The following PTPRB variants were observed in gnomAD, a reference collection of about 807,000 sequenced individuals.
PTPRB encodes protein tyrosine phosphatase receptor type B, also known as receptor-type tyrosine-protein phosphatase beta.
Under a neutral mutation model 238.1 loss-of-function variants are expected in PTPRB, and 97 were observed. The observed-to-expected ratio is 0.41, with a 90% confidence interval of 0.35 to 0.48. The LOEUF (loss-of-function observed/expected upper bound fraction) is 0.48. Among genes scored for constraint, PTPRB ranks in the 20% least tolerant of loss-of-function variants. The pLI is 0.30. For missense variants in PTPRB, 2,292 were observed against 2,681.9 expected (o/e 0.85, Z 3.21); for synonymous variants, 970 against 995.4 (o/e 0.97, Z 0.48).
intron 8 of PTPRB, among the ~76,000 whole-genome samples, chr12:70,588,584 G>C (rs1206078485): frequency 6.6e-6 from 1 of 152,104 alleles, no homozygotes; most frequent in African/African-American, 2.4e-5. Flanking sequence ...AGCGAGCCAA[G>C]ATCATGCCAT....
At chr12:70,619,324 T>C (rs7966380) in intron 3 of PTPRB, among the ~76,000 whole-genome samples, 9 of 74,624 alleles carry the variant, frequency 1.2e-4, no homozygotes, top group South Asian at 4.8e-4. Flanking sequence ...ATAATGATAA[T>C]GATAATGATA....
chr12:70,590,787 T>C (rs1882412792), intron 7 of PTPRB, among the ~76,000 whole-genome samples: 1 of 151,972 alleles, frequency 6.6e-6, no homozygotes, highest in African/African-American at 2.4e-5. Flanking sequence ...CGGTTGTATG[T>C]TCTGTAGACC....
At chr12:70,522,863 C>CTTTTTTTTTTTTTTTTTTTTTTT (rs35913444) in intron 33 of PTPRB, among the ~76,000 whole-genome samples, 1 of 118,236 alleles carries the variant, frequency 8.5e-6, no homozygotes, top group African/African-American at 3.3e-5. Flanking sequence ...TTTGTTTTTT[C>CTTTTTTTTTTTTTTTTTTTTTTT]TTTTTTTTTT....
intron 32 of PTPRB, 56 bp downstream of exon 32, chr12:70,531,979 T>C (rs772984711): frequency 8.7e-6 from 14 of 1,603,956 alleles, no homozygotes; most frequent in African/African-American, 1.3e-5. Flanking sequence ...GATATTTTTT[T>C]GTGGGAATAC....
At chr12:70,558,942 AT>A (rs1301258713) in intron 18 of PTPRB, 2 of 278,574 alleles carry the variant, frequency 7.2e-6, no homozygotes, top group Non-Finnish European at 1.4e-5. Context: ...TACCTGGAAT[AT>A]TCTCCACTTC....
Position 70,555,444 on chromosome 12 carries a change from T to C in PTPRB, c.4994-135A>G, listed in dbSNP as rs79127119. The C allele has an allele frequency of 2.1e-4, 183 of 859,744 alleles. 1 individual carries two copies. The highest frequency in any genetic ancestry group is 1.4e-3 in the Admixed American group (44 of 32,220). 53.3% of individuals were successfully genotyped at this position (859,744 alleles called of 1,614,324 possible). On this transcript the variant is annotated intron_variant, in intron 19 of 33. Transcript: ENST00000334414. Reference sequence around the variant, plus strand: ...TGTGTGAGCGTGTGCCTGTGTTTAATGCTGTAATCAAGAAACTCTCCCCTT... The same window carrying C: ...TGTGTGAGCGTGTGCCTGTGTTTAACGCTGTAATCAAGAAACTCTCCCCTT...
Position 70,539,935 on chromosome 12 carries a change from T to A in PTPRB, c.5678+4A>T. 6.2e-7 allele frequency: 1 copy of A among 1,604,580 alleles called. No individual in the cohort carries two copies. The highest frequency in any genetic ancestry group is 8.5e-7 in the Non-Finnish European group (1 of 1,171,330). ...AATTATACGAAGGCAAATGTGGTGC[T>A]TACCCTTTCTGGCCCAGGTTTAAGT... is the stretch of plus-strand genomic sequence containing the variant. On this transcript the variant is annotated splice_donor_region_variant and intron_variant, in intron 24 of 33. Coordinates refer to ENST00000334414, the MANE Select transcript of PTPRB (RefSeq NM_001109754.4).
Position 70,594,717 on chromosome 12 carries a change from A to T in PTPRB, c.1266T>A (p.Ser422=). ...TGGAAATACCAATATCTTTCACTGGAGATGGCACTAGTGGGATAAAATGCA... is the reference window on the plus strand; with the variant it reads ...TGGAAATACCAATATCTTTCACTGGTGATGGCACTAGTGGGATAAAATGCA... ...SVYTNGSTVP[S]PVKDIGISTK... The change falls in exon 6 of 34, where the codon TCT becomes TCA. Residue 422 remains serine, a synonymous_variant. Transcript: ENST00000334414. 1 of 1,613,942 alleles carries T rather than the reference A, an allele frequency of 6.2e-7. No homozygotes were observed.
chr12:70,609,678 C>T, intron 3 of PTPRB: 1 of 1,407,384 alleles, frequency 7.1e-7, no homozygotes, highest in South Asian at 1.2e-5. Flanking sequence ...AAGCACAACC[C>T]GATAGACGAG....
chr12:70,540,575 A>AAAAT (rs1874913285), intron 23 of PTPRB: 1 of 333,512 alleles, frequency 3.0e-6, no homozygotes, highest in African/African-American at 2.1e-5. Flanking sequence ...ACACACACAC[A>AAAAT]AAATATTTTT....
rs752633105 is a variant in PTPRB at position 70,581,027 on chromosome 12, A to G, written c.2578+9T>C. 3.7e-6 allele frequency: 6 copies of G among 1,612,334 alleles called. No individual in the cohort carries two copies. In the Admixed American group the frequency reaches 6.7e-5, roughly 18 times the overall value. ...AGTTAAGTCACAGACACATATCTCT[A>G]CTTCTTACCTGTTCTTCCCTCCACA... is the stretch of plus-strand genomic sequence containing the variant. On this transcript the variant is annotated intron_variant, in intron 10 of 33. Transcript: ENST00000334414.
At position 70,567,637 on chromosome 12, in the gene PTPRB, A is replaced by G. The variant is rs139629369; in HGVS notation, c.3635-933T>C. Among the ~76,000 whole-genome samples, 147 of 152,254 alleles carry G rather than the reference A, an allele frequency of 9.7e-4. 1 individual carries two copies. In the East Asian group the frequency reaches 0.02, roughly 20 times the overall value. The stretch of plus-strand genomic sequence containing the variant: ...GCAAGTATAAATGAGACCATACATT[A>G]TTGCAACTGCCTATTGACCAGTCAC... On this transcript the variant is annotated intron_variant, in intron 14 of 33. Coordinates refer to ENST00000334414, the MANE Select transcript of PTPRB (RefSeq NM_001109754.4).
At chr12:70,556,183 C>G in intron 18 of PTPRB, 35 bp from the exon 19 acceptor site, 2 of 1,559,570 alleles carry the variant, frequency 1.3e-6, no homozygotes, top group Non-Finnish European at 1.7e-6. Flanking sequence ...CTTTTCAGAA[C>G]TCAGGGAGAA....
intron 3 of PTPRB, among the ~76,000 whole-genome samples, chr12:70,615,440 G>T (rs1432934376): frequency 6.6e-6 from 1 of 152,086 alleles, no homozygotes; most frequent in Non-Finnish European, 1.5e-5. Flanking sequence ...ACATCTCTAA[G>T]GTTTCCTGGT....
At chr12:70,629,447 C>T (rs1280726396) in intron 2 of PTPRB, among the ~76,000 whole-genome samples, 1 of 151,970 alleles carries the variant, frequency 6.6e-6, no homozygotes, top group African/African-American at 2.4e-5. Flanking sequence ...TTTAAAGCAG[C>T]GTACAGAGGG....
chr12:70,610,048 C>T (rs1299541246), intron 3 of PTPRB, among the ~76,000 whole-genome samples: 1 of 152,042 alleles, frequency 6.6e-6, no homozygotes, highest in Non-Finnish European at 1.5e-5. Context: ...AGCGCGCCGC[C>T]CTTCCCACGC....
chr12:70,569,354 T>G (rs1054592385), intron 14 of PTPRB, among the ~76,000 whole-genome samples: 10 of 152,296 alleles, frequency 6.6e-5, no homozygotes, highest in Admixed American at 5.9e-4. Flanking sequence ...TCTACCTGCC[T>G]TGGCCTTCCA....
chr12:70,628,537 G>A (rs1473983104), intron 2 of PTPRB, among the ~76,000 whole-genome samples: 1 of 151,964 alleles, frequency 6.6e-6, no homozygotes, highest in Admixed American at 6.6e-5. Context: ...ATTTCCCCCT[G>A]GCAAGGAATA....
rs140207174 is a variant in PTPRB at position 70,538,155 on chromosome 12, A to C, written c.5946T>G (p.Pro1982=). ...CSDYINASYI[P]GNNFRREYIV... ...CACTATGGCCTAGTGGGTCACTTACAGGGATGTAGCTGGCATTGATGTAGT... is the reference window on the plus strand; with the variant it reads ...CACTATGGCCTAGTGGGTCACTTACCGGGATGTAGCTGGCATTGATGTAGT... Residue 1982 remains proline (P), a splice_region_variant and synonymous_variant, in exon 28 of 34, where the codon CCT becomes CCG. Transcript: ENST00000334414. 5.7e-4 allele frequency: 927 copies of C among 1,612,394 alleles called. 3 individuals are homozygous for C. In the African/African-American group the frequency reaches 0.011, roughly 20 times the overall value.
Sources: gnomAD v4.1 joint callset for allele counts (sites outside exome capture counted in the v4.1 genomes callset) on GRCh38, gnomAD v4.1.1 for gene constraint, MANE v1.5 for transcripts, NCBI Gene and HGNC (gene_info 2026-07-23, HGNC 2026-07-21) for gene names.